PDE4D: variants seen among roughly 807,000 people sequenced by gnomAD.
PDE4D encodes the protein phosphodiesterase 4D, also known as 3',5'-cyclic-AMP phosphodiesterase 4D.
A neutral mutation model predicts 87.4 loss-of-function variants in PDE4D; 24 were observed. The observed-to-expected ratio is 0.27, with a 90% confidence interval of 0.20 to 0.39. The LOEUF is 0.39. Among genes scored for constraint, PDE4D ranks in the 10% least tolerant of loss-of-function variants. The pLI, the probability that PDE4D is intolerant of heterozygous loss-of-function variation, is 1.00. For synonymous variants in PDE4D, 384 were observed against 383.2 expected (o/e 1.00, Z -0.02); for missense variants, 714 against 1,041.0 (o/e 0.69, Z 4.32).
chr5:59,972,683 C>A (rs1160326653), intron 3 of PDE4D, among the ~76,000 whole-genome samples: 1 of 152,176 alleles, frequency 6.6e-6, no homozygotes, highest in East Asian at 1.9e-4. Context: ...CCAGCTTATT[C>A]AATAAGACTA....
At chr5:59,461,228 T>C (rs7704141) in intron 1 of PDE4D, among the ~76,000 whole-genome samples, 44,919 of 151,942 alleles carry the variant, frequency 0.3, 11,723 homozygotes, top group African/African-American at 0.71. Context: ...ACCATTTTAG[T>C]AAAAAAGATT....
At chr5:59,436,110 CTTCTA>C (rs1796766284) in intron 1 of PDE4D, among the ~76,000 whole-genome samples, 1 of 152,116 alleles carries the variant, frequency 6.6e-6, no homozygotes, top group South Asian at 2.1e-4. Flanking sequence ...ATTAAACACT[CTTCTA>C]TTAAGGGTCA....
chr5:59,350,175 C>T (rs2153586409), intron 1 of PDE4D, among the ~76,000 whole-genome samples: 1 of 152,280 alleles, frequency 6.6e-6, no homozygotes, highest in Non-Finnish European at 1.5e-5. Flanking sequence ...TTCTCTTATT[C>T]AGAAACCTGT....
At chr5:59,529,761 A>T (rs1813843157) in intron 1 of PDE4D, among the ~76,000 whole-genome samples, 2 of 152,242 alleles carry the variant, frequency 1.3e-5, no homozygotes, top group South Asian at 4.1e-4. Flanking sequence ...CAAAAGCATA[A>T]CACTGTCTAC....
intron 1 of PDE4D, among the ~76,000 whole-genome samples, chr5:60,347,891 T>C (rs528688323): frequency 2.6e-5 from 4 of 152,244 alleles, no homozygotes; most frequent in African/African-American, 9.6e-5. Flanking sequence ...ACACAAAACC[T>C]CCATAGAACT....
chr5:59,442,279 G>C (rs912144824), intron 1 of PDE4D, among the ~76,000 whole-genome samples: 2 of 152,226 alleles, frequency 1.3e-5, no homozygotes, highest in African/African-American at 2.4e-5. Flanking sequence ...CCAAGGCAGT[G>C]TAACTTGTGG....
chr5:60,138,144 G>A (rs936396258), intron 2 of PDE4D, among the ~76,000 whole-genome samples: 5 of 152,094 alleles, frequency 3.3e-5, no homozygotes, highest in African/African-American at 1.2e-4. Flanking sequence ...TCTGGTCTAT[G>A]TGTTTGTTCT....
At chr5:59,291,888 A>G (rs1267422448) in intron 1 of PDE4D, among the ~76,000 whole-genome samples, 1 of 151,940 alleles carries the variant, frequency 6.6e-6, no homozygotes, top group Non-Finnish European at 1.5e-5. Context: ...TGCTAAAAAA[A>G]TATCCACAAA....
intron 1 of PDE4D, among the ~76,000 whole-genome samples, chr5:60,304,564 G>A (rs1344799686): frequency 1.3e-5 from 2 of 148,750 alleles, no homozygotes; most frequent in African/African-American, 5.0e-5. Context: ...AGAATGGCGT[G>A]AACCCGGGAA....
chr5:59,702,315 G>A lies in PDE4D; in HGVS notation c.455+190853C>T, dbSNP rs568523103. On this transcript the variant is annotated intron_variant, in intron 1 of 14. Coordinates refer to ENST00000340635, the MANE Select transcript of PDE4D (RefSeq NM_001104631.2). ...ATTTTTTGTATTTTTTAGTAGAGAC[G>A]GGGTTTCACACCATATTAGCCAGGA... Among the ~76,000 whole-genome samples the A allele has an allele frequency of 7.2e-5, 11 of 152,080 alleles. No individual in the cohort carries two copies. In the South Asian group the frequency reaches 1.7e-3, roughly 23 times the overall value.
intron 1 of PDE4D, among the ~76,000 whole-genome samples, chr5:59,538,151 A>C (rs918504812): frequency 6.6e-6 from 1 of 152,216 alleles, no homozygotes; most frequent in Non-Finnish European, 1.5e-5. Flanking sequence ...GCAATGCTAA[A>C]ATTCTGCAAC....
chr5:59,528,997 G>A (rs752290077), intron 1 of PDE4D: 35 of 461,750 alleles, frequency 7.6e-5, no homozygotes, highest in Non-Finnish European at 1.1e-4. Context: ...GCTGAAACAA[G>A]AGTACCTGCT....
chr5:59,445,848 T>C (rs561610948), intron 1 of PDE4D, among the ~76,000 whole-genome samples: 3 of 152,318 alleles, frequency 2.0e-5, no homozygotes, highest in South Asian at 2.1e-4. Context: ...TTCTTTTTGA[T>C]GGCTAGAAAT....
rs543991984 is a variant in PDE4D at position 59,258,863 on chromosome 5, T to A, written c.456-42895A>T. Among the ~76,000 whole-genome samples the A allele has an allele frequency of 1.3e-3, 194 of 151,368 alleles. 1 individual carries two copies. The highest frequency in any genetic ancestry group is 4.4e-3 in the African/African-American group (184 of 41,438). On this transcript the variant is annotated intron_variant, in intron 1 of 14. Transcript: ENST00000340635. ...TTTCAAGGCCAGATTTAGTTAGAAG[T>A]GATACTGATTTTTTTCCACATTCAT...
intron 2 of PDE4D, among the ~76,000 whole-genome samples, chr5:60,005,086 C>A (rs2117551): frequency 0.84 from 128,379 of 152,062 alleles, 54,224 homozygotes; most frequent in East Asian, 0.97. Context: ...AATAGAGAAA[C>A]TGTGGTGTAT....
At chr5:59,145,167 T>G (rs1778450343) in intron 5 of PDE4D, among the ~76,000 whole-genome samples, 1 of 152,218 alleles carries the variant, frequency 6.6e-6, no homozygotes, top group Non-Finnish European at 1.5e-5. Context: ...TACAGTCTAA[T>G]TTAATATTTG....
chr5:59,916,553 T>G (rs889588766), intron 3 of PDE4D, among the ~76,000 whole-genome samples: 1 of 152,192 alleles, frequency 6.6e-6, no homozygotes, highest in Non-Finnish European at 1.5e-5. Context: ...TCGATGCATT[T>G]AATAACTAGA....
chr5:59,128,868 T>G (rs988533000), intron 5 of PDE4D, among the ~76,000 whole-genome samples: 1 of 152,184 alleles, frequency 6.6e-6, no homozygotes, highest in East Asian at 1.9e-4. Context: ...AACAGCAGCT[T>G]ACACCTGGTT....
chr5:59,650,097 A>T (rs965345264), intron 1 of PDE4D, among the ~76,000 whole-genome samples: 4 of 151,584 alleles, frequency 2.6e-5, no homozygotes, highest in African/African-American at 9.7e-5. Context: ...AAATACAGGC[A>T]GGCTAATATT....
Sources: gnomAD v4.1 joint callset for allele counts (sites outside exome capture counted in the v4.1 genomes callset) on GRCh38, gnomAD v4.1.1 for gene constraint, MANE v1.5 for transcripts, NCBI Gene and HGNC (gene_info 2026-07-23, HGNC 2026-07-21) for gene names.